Variants in FGD3 observed in about 807,000 individuals in gnomAD.
FGD3 encodes the protein FYVE, RhoGEF and PH domain-containing protein 3.
In FGD3, 45 loss-of-function variants were observed where a neutral mutation model predicts 71.8. That is an observed-to-expected ratio of 0.63 (90% CI 0.49 to 0.80). The LOEUF is 0.80. FGD3 is among the 30% of genes least tolerant of loss of function. FGD3 has a pLI of 0.00. For synonymous variants in FGD3, 378 were observed against 392.8 expected (o/e 0.96, Z 0.44); for missense variants, 844 against 951.5 (o/e 0.89, Z 1.49).
chr9:93,027,846 A>G (rs980511060), intron 14 of FGD3, among the ~76,000 whole-genome samples: 5 of 149,358 alleles, frequency 3.3e-5, no homozygotes, highest in African/African-American at 1.2e-4. Context: ...AAGCCCCCCA[A>G]ATATCTGGGA....
At position 93,034,820 on chromosome 9, in the gene FGD3, C is replaced by T. The variant is rs374226362; in HGVS notation, c.1926+139C>T. The stretch of plus-strand genomic sequence containing the variant: ...CCTGGGGCCTCAGTTTCCCCGGCAG[C>T]GCAGGATTCCCTCTGCTTGCCAGTC... On this transcript the variant is annotated intron_variant, in intron 17 of 17. Transcript: ENST00000375482. 708 of 988,364 alleles carry T rather than the reference C, an allele frequency of 7.2e-4. 3 individuals carry two copies. In the African/African-American group the frequency reaches 7.4e-3, roughly 10 times the overall value. 61.2% of individuals were successfully genotyped at this position (988,364 alleles called of 1,614,324 possible). A position where few individuals can be genotyped will look rare whatever the true frequency, so the allele number is the denominator to read the frequency against.
At chr9:93,029,747 G>T in intron 14 of FGD3, 127 bp from the exon 15 acceptor site, 1 of 1,285,094 alleles carries the variant, frequency 7.8e-7, no homozygotes. Context: ...ATTCCCTTCT[G>T]CATGTTCCAC....
intron 1 of FGD3, among the ~76,000 whole-genome samples, chr9:92,961,038 C>A (rs559589304): frequency 8.5e-5 from 13 of 152,260 alleles, no homozygotes; most frequent in African/African-American, 3.1e-4. Context: ...GGCACTCCCC[C>A]TGGCTGACAG....
At chr9:92,959,252 C>T (rs796647451) in intron 1 of FGD3, among the ~76,000 whole-genome samples, 10 of 151,948 alleles carry the variant, frequency 6.6e-5, no homozygotes, top group African/African-American at 2.4e-4. Context: ...TGAACCACTG[C>T]GCCCAGTCAA....
chr9:93,006,641 C>T (rs1861066347), intron 6 of FGD3, among the ~76,000 whole-genome samples: 1 of 152,158 alleles, frequency 6.6e-6, no homozygotes, highest in African/African-American at 2.4e-5. Context: ...CTTCTTGATT[C>T]ACAAGGCTTT....
chr9:92,954,956 C>T (rs951216448), intron 1 of FGD3, among the ~76,000 whole-genome samples: 18 of 152,186 alleles, frequency 1.2e-4, no homozygotes, highest in Admixed American at 1.1e-3. Flanking sequence ...ATGGAACTCA[C>T]GGTCTGCCTG....
intron 12 of FGD3, 98 bp from the exon 13 acceptor site, chr9:93,020,219 C>T: frequency 8.5e-7 from 1 of 1,179,278 alleles, no homozygotes; most frequent in Non-Finnish European, 1.2e-6. Flanking sequence ...CTGGGAACGC[C>T]AAGGCCCGTC....
intron 3 of FGD3, among the ~76,000 whole-genome samples, chr9:92,976,913 C>T (rs937134099): frequency 3.3e-5 from 5 of 152,186 alleles, no homozygotes; most frequent in African/African-American, 1.2e-4. Flanking sequence ...CCAAGCCCAC[C>T]TGACACCTTG....
intron 16 of FGD3, chr9:93,033,469 T>A (rs753489599): frequency 1.3e-5 from 2 of 153,440 alleles, no homozygotes; most frequent in African/African-American, 2.5e-5. Context: ...CCTCTCCTTC[T>A]CCTCCTCCTT....
chr9:93,035,356 A>C lies in FGD3; in HGVS notation c.1945A>C (p.Thr649Pro). The C allele has an allele frequency of 6.2e-7, 1 of 1,610,154 alleles. No homozygotes were observed. Among genetic ancestry groups the C allele is most frequent in the Non-Finnish European group, 8.5e-7 (1 of 1,178,936 alleles). Residue 649 changes from threonine to proline, a missense_variant, in exon 18 of 18, where the codon ACC (threonine) becomes CCC (proline). By Grantham distance (38) the Thr-to-Pro change is conservative. Transcript: ENST00000375482. ...GGSQDGRLPR[T>P]IPLPSCKLSV... ...GCTGCAGGACGGCCGGCTGCCCCGC[A>C]CCATCCCTCTCCCCAGCTGCAAACT...
chr9:92,998,954 C>T (rs140404086), intron 3 of FGD3, among the ~76,000 whole-genome samples: 1 of 152,190 alleles, frequency 6.6e-6, no homozygotes, highest in African/African-American at 2.4e-5. Flanking sequence ...TGTCCATTCT[C>T]AGATCTCAAA....
chr9:92,993,575 C>G (rs1860505653), intron 3 of FGD3, among the ~76,000 whole-genome samples: 1 of 152,138 alleles, frequency 6.6e-6, no homozygotes, highest in Non-Finnish European at 1.5e-5. Flanking sequence ...GTTAACTCAT[C>G]ATTTACATTA....
intron 1 of FGD3, among the ~76,000 whole-genome samples, chr9:92,966,660 C>T (rs1859338940): frequency 6.6e-6 from 1 of 152,166 alleles, no homozygotes; most frequent in Non-Finnish European, 1.5e-5. Context: ...TTCTGAGGAG[C>T]AGCGGTGGCT....
intron 3 of FGD3, among the ~76,000 whole-genome samples, chr9:92,991,069 G>C (rs1449694399): frequency 6.8e-6 from 1 of 146,036 alleles, no homozygotes; most frequent in East Asian, 2.0e-4. Context: ...TTGGAGATTT[G>C]TTTGTTTGTT....
chr9:92,968,653 G>C (rs1859426268), intron 1 of FGD3, among the ~76,000 whole-genome samples: 1 of 143,514 alleles, frequency 7.0e-6, no homozygotes, highest in African/African-American at 2.6e-5. Context: ...GCCCAGGCTG[G>C]AGTGCAGTGG....
At chr9:93,014,787 G>A (rs915131363) in intron 9 of FGD3, among the ~76,000 whole-genome samples, 7 of 152,136 alleles carry the variant, frequency 4.6e-5, no homozygotes, top group East Asian at 1.9e-4. Flanking sequence ...GATTACAGGC[G>A]TGCGCCACCA....
At chr9:93,001,495 C>T (rs1352953241) in intron 3 of FGD3, among the ~76,000 whole-genome samples, 2 of 152,132 alleles carry the variant, frequency 1.3e-5, no homozygotes, top group Admixed American at 1.3e-4. Context: ...TTCTTTACAG[C>T]TTGGTCTGGA....
chr9:92,965,847 C>G (rs1462911406), intron 1 of FGD3, among the ~76,000 whole-genome samples: 1 of 152,170 alleles, frequency 6.6e-6, no homozygotes, highest in Non-Finnish European at 1.5e-5. Flanking sequence ...CTATCAGGAG[C>G]CTGGTTTACA....
intron 2 of FGD3, among the ~76,000 whole-genome samples, chr9:92,975,878 C>G (rs1362045686): frequency 6.6e-6 from 1 of 152,136 alleles, no homozygotes; most frequent in Non-Finnish European, 1.5e-5. Flanking sequence ...CCACTGTGTT[C>G]CTTTTGGTTA....
Sources: gnomAD v4.1 joint callset for allele counts (sites outside exome capture counted in the v4.1 genomes callset) on GRCh38, gnomAD v4.1.1 for gene constraint, MANE v1.5 for transcripts, NCBI Gene and HGNC (gene_info 2026-07-23, HGNC 2026-07-21) for gene names.